TCF4: variants seen among roughly 807,000 people sequenced by gnomAD.
The protein encoded by TCF4 is SL3-3 enhancer factor 2.
In TCF4, 3 loss-of-function variants were observed where a neutral mutation model predicts 82.1. The ratio of observed to expected loss-of-function variants is 0.04; its 90% CI spans 0.02 to 0.09. TCF4 has a LOEUF of 0.09. Among genes scored for constraint, TCF4 ranks in the 10% least tolerant of loss-of-function variants. The pLI is 1.00. For missense variants in TCF4, 518 were observed against 852.7 expected (o/e 0.61, Z 4.89); for synonymous variants, 276 against 309.6 (o/e 0.89, Z 1.14).
chr18:55,251,306 G>A (rs944062382), intron 15 of TCF4, among the ~76,000 whole-genome samples: 1 of 146,126 alleles, frequency 6.8e-6, no homozygotes, highest in Non-Finnish European at 1.5e-5. Context: ...CTTGTGTTAT[G>A]AGCCATGCCG....
At chr18:55,417,063 C>T (rs2094549538) in intron 5 of TCF4, among the ~76,000 whole-genome samples, 1 of 152,168 alleles carries the variant, frequency 6.6e-6, no homozygotes, top group African/African-American at 2.4e-5. Flanking sequence ...AGAGCAGGCC[C>T]GACGACGGAA....
At chr18:55,581,428 C>T (rs563442481) in intron 3 of TCF4, among the ~76,000 whole-genome samples, 4 of 151,938 alleles carry the variant, frequency 2.6e-5, no homozygotes, top group African/African-American at 7.2e-5. Context: ...ATGGGTTTAA[C>T]GCCACTGTAC....
chr18:55,365,250 T>TATATATATATA (rs2086700810), intron 6 of TCF4, among the ~76,000 whole-genome samples: 1 of 102,322 alleles, frequency 9.8e-6, no homozygotes, highest in Non-Finnish European at 2.0e-5. Context: ...TATGTGTGTG[T>TATATATATATA]ATATATATAT....
chr18:55,600,094 C>T (rs534498151), intron 2 of TCF4, among the ~76,000 whole-genome samples: 1 of 152,266 alleles, frequency 6.6e-6, no homozygotes, highest in African/African-American at 2.4e-5. Flanking sequence ...AGATATACAA[C>T]AATTTGTCTA....
intron 2 of TCF4, among the ~76,000 whole-genome samples, chr18:55,586,701 A>C (rs992479600): frequency 6.6e-6 from 1 of 152,184 alleles, no homozygotes; most frequent in Non-Finnish European, 1.5e-5. Context: ...GCAAAGTATT[A>C]GTAGTCTCAG....
chr18:55,536,083 C>T (rs542165953), intron 3 of TCF4, among the ~76,000 whole-genome samples: 9 of 152,072 alleles, frequency 5.9e-5, no homozygotes, highest in African/African-American at 2.2e-4. Context: ...ACTAAAGTTG[C>T]GTTATTTTTC....
At chr18:55,543,957 G>T (rs2097184987) in intron 3 of TCF4, among the ~76,000 whole-genome samples, 1 of 151,922 alleles carries the variant, frequency 6.6e-6, no homozygotes, top group South Asian at 2.1e-4. Flanking sequence ...CATAATGTTG[G>T]CATATAACCA....
intron 3 of TCF4, among the ~76,000 whole-genome samples, chr18:55,516,889 G>T (rs1036263460): frequency 7.2e-5 from 11 of 152,134 alleles, no homozygotes; most frequent in African/African-American, 2.7e-4. Flanking sequence ...AAGGTGTAAG[G>T]TCAATGAAGT....
At chr18:55,593,393 G>A (rs926741134), upstream of TCF4, among the ~76,000 whole-genome samples, 8 of 152,192 alleles carry the variant, frequency 5.3e-5, no homozygotes, top group Non-Finnish European at 1.2e-4. Context: ...TGCATGAGCT[G>A]AATTAATGCC....
At chr18:55,472,525 T>C (rs992262444) in intron 3 of TCF4, among the ~76,000 whole-genome samples, 5 of 152,124 alleles carry the variant, frequency 3.3e-5, no homozygotes, top group African/African-American at 1.2e-4. Context: ...CGTTTGGGGA[T>C]CCTACCTTTT....
intron 3 of TCF4, among the ~76,000 whole-genome samples, chr18:55,535,866 T>C (rs919862021): frequency 6.6e-6 from 1 of 152,202 alleles, no homozygotes; most frequent in African/African-American, 2.4e-5. Flanking sequence ...GATAGTAGAC[T>C]CAACAGCAAT....
At chr18:55,304,743 T>G (rs1392907309) in intron 8 of TCF4, among the ~76,000 whole-genome samples, 1 of 152,138 alleles carries the variant, frequency 6.6e-6, no homozygotes, top group African/African-American at 2.4e-5. Context: ...AAGGAAATCT[T>G]TGGTCCTTAT....
chr18:55,539,258 G>C (rs2097144795), intron 3 of TCF4, among the ~76,000 whole-genome samples: 1 of 152,090 alleles, frequency 6.6e-6, no homozygotes, highest in Non-Finnish European at 1.5e-5. Context: ...CAAAGCCAGA[G>C]ATTTGGAAAG....
intron 2 of TCF4, among the ~76,000 whole-genome samples, chr18:55,618,959 T>C (rs1665502633): frequency 6.6e-6 from 1 of 152,048 alleles, no homozygotes; most frequent in Non-Finnish European, 1.5e-5. Context: ...TGGGCTTAGT[T>C]TGTTCTTTTT....
chr18:55,421,861 A>C (rs969725560), intron 5 of TCF4, among the ~76,000 whole-genome samples: 1 of 152,160 alleles, frequency 6.6e-6, no homozygotes, highest in African/African-American at 2.4e-5. Context: ...TGCCAACCTA[A>C]AGTTCCACAT....
intron 3 of TCF4, chr18:55,482,775 C>A (rs73479288): frequency 6.6e-6 from 1 of 152,218 alleles, no homozygotes; most frequent in South Asian, 2.1e-4. Context: ...CCTTCTGCTG[C>A]AGAACTTGAA....
chr18:55,311,299 T>C (rs377154294), intron 8 of TCF4, among the ~76,000 whole-genome samples: 1 of 152,188 alleles, frequency 6.6e-6, no homozygotes, highest in Non-Finnish European at 1.5e-5. Context: ...TCCAGATATA[T>C]CACTTTGCAA....
intron 3 of TCF4, chr18:55,510,671 AAAGT>A: frequency 6.7e-7 from 1 of 1,485,344 alleles, no homozygotes; most frequent in South Asian, 1.3e-5. Context: ...GTAAACTTTT[AAAGT>A]TTGTGAACTG....
chr18:55,320,270 CATTT>C (rs2075167113), intron 8 of TCF4, among the ~76,000 whole-genome samples: 1 of 151,716 alleles, frequency 6.6e-6, no homozygotes, highest in Non-Finnish European at 1.5e-5. Context: ...CAACGAAAAC[CATTT>C]GTTTTAAAAT....
Sources: gnomAD v4.1 joint callset for allele counts (sites outside exome capture counted in the v4.1 genomes callset) on GRCh38, gnomAD v4.1.1 for gene constraint, MANE v1.5 for transcripts, NCBI Gene and HGNC (gene_info 2026-07-23, HGNC 2026-07-21) for gene names.